Variants in DAB1 observed in about 807,000 individuals in gnomAD.
DAB1 encodes the protein disabled homolog 1.
DAB1 carries 15 observed loss-of-function variants against 64.6 expected under a neutral mutation model. The ratio of observed to expected loss-of-function variants is 0.23; its 90% CI spans 0.16 to 0.36. The LOEUF (loss-of-function observed/expected upper bound fraction) is 0.36. Among genes scored for constraint, DAB1 ranks in the 10% least tolerant of loss-of-function variants. DAB1 has a pLI of 1.00. For synonymous variants in DAB1, 235 were observed against 251.9 expected (o/e 0.93, Z 0.64); for missense variants, 596 against 706.7 (o/e 0.84, Z 1.78).
chr1:57,612,764 T>C (rs1197366845), intron 7 of DAB1, among the ~76,000 whole-genome samples: 1 of 152,182 alleles, frequency 6.6e-6, no homozygotes, highest in East Asian at 1.9e-4. Flanking sequence ...TTTGCTATAG[T>C]GACCACAGGA....
chr1:57,760,695 C>T (rs560336671), intron 6 of DAB1, among the ~76,000 whole-genome samples: 1 of 151,870 alleles, frequency 6.6e-6, no homozygotes, highest in African/African-American at 2.4e-5. Flanking sequence ...GGGGAGTCGG[C>T]AGTCTGGGGT....
At chr1:58,315,450 T>C (rs1662536363) in intron 4 of DAB1, among the ~76,000 whole-genome samples, 1 of 152,166 alleles carries the variant, frequency 6.6e-6, no homozygotes, top group Non-Finnish European at 1.5e-5. Context: ...GGTTCTTCCT[T>C]TCATTTATCC....
At chr1:57,682,075 A>C (rs1431105232) in intron 6 of DAB1, among the ~76,000 whole-genome samples, 2 of 152,162 alleles carry the variant, frequency 1.3e-5, no homozygotes, top group Non-Finnish European at 2.9e-5. Flanking sequence ...GAGCTGAGGA[A>C]CACCAGCAAC....
chr1:58,336,410 T>C (rs1246556394), intron 4 of DAB1, among the ~76,000 whole-genome samples: 5 of 152,226 alleles, frequency 3.3e-5, no homozygotes, highest in African/African-American at 1.2e-4. Context: ...GAGGTTGAGA[T>C]GTTTTATTTA....
At chr1:57,790,203 G>GGGA (rs1650529192) in intron 6 of DAB1, among the ~76,000 whole-genome samples, 1 of 152,152 alleles carries the variant, frequency 6.6e-6, no homozygotes, top group African/African-American at 2.4e-5. Flanking sequence ...ACAGTGTCAT[G>GGGA]GGAGGGACCT....
At chr1:57,221,252 TG>T (rs1034559059) in intron 2 of DAB1, among the ~76,000 whole-genome samples, 3 of 77,766 alleles carry the variant, frequency 3.9e-5, no homozygotes, top group African/African-American at 1.5e-4. Context: ...TATTGTGGGG[TG>T]GGGGGATGGG....
intron 7 of DAB1, among the ~76,000 whole-genome samples, chr1:57,440,740 A>C (rs1219236170): frequency 6.6e-6 from 1 of 152,228 alleles, no homozygotes; most frequent in Non-Finnish European, 1.5e-5. Context: ...TCCACAGGGT[A>C]ATCAGAAGTC....
chr1:57,464,687 C>T (rs1686897573), intron 7 of DAB1, among the ~76,000 whole-genome samples: 1 of 152,130 alleles, frequency 6.6e-6, no homozygotes, highest in Non-Finnish European at 1.5e-5. Context: ...CAAAAGATCT[C>T]CAAGCACTTA....
chr1:57,044,680 A>T (rs1159010805), intron 9 of DAB1, among the ~76,000 whole-genome samples: 1 of 152,048 alleles, frequency 6.6e-6, no homozygotes, highest in Non-Finnish European at 1.5e-5. Flanking sequence ...TCTATGAAAA[A>T]CCTTTTTAAT....
intron 5 of DAB1, among the ~76,000 whole-genome samples, chr1:58,055,387 G>T (rs945711710): frequency 1.3e-5 from 2 of 152,108 alleles, no homozygotes; most frequent in African/African-American, 4.8e-5. Flanking sequence ...TCTCCATTTA[G>T]ATCTGTGCTC....
At chr1:58,534,468 T>C (rs1417343473) in intron 1 of DAB1, 1 of 526,518 alleles carries the variant, frequency 1.9e-6, no homozygotes, top group Non-Finnish European at 3.3e-6. Context: ...TATTAAGCAC[T>C]GAAATTTCTC....
intron 1 of DAB1, among the ~76,000 whole-genome samples, chr1:57,407,847 C>T (rs1326529063): frequency 6.6e-6 from 1 of 151,180 alleles, no homozygotes; most frequent in Admixed American, 6.6e-5. Flanking sequence ...TGTAAGATTA[C>T]CACTGCTAGA....
At chr1:58,177,775 T>C (rs901240474) in intron 4 of DAB1, among the ~76,000 whole-genome samples, 4 of 151,738 alleles carry the variant, frequency 2.6e-5, no homozygotes, top group African/African-American at 4.8e-5. Flanking sequence ...TGAAGCTGTC[T>C]GACTCCAAAC....
chr1:57,553,412 A>AAAAGAAAGAAAGAAAGAAAG (rs1558487049), intron 7 of DAB1, among the ~76,000 whole-genome samples: 1 of 14,022 alleles, frequency 7.1e-5, no homozygotes, highest in African/African-American at 9.3e-5. Flanking sequence ...GAAAGAAAGA[A>AAAAGAAAGAAAGAAAGAAAG]AGAAAGAAAG....
chr1:57,906,291 T>C (rs1309989040), intron 5 of DAB1, among the ~76,000 whole-genome samples: 3 of 152,212 alleles, frequency 2.0e-5, no homozygotes, highest in African/African-American at 7.2e-5. Context: ...ATGCCTCATA[T>C]ATTTTGAATT....
At chr1:57,796,114 T>A (rs1186762370) in intron 6 of DAB1, among the ~76,000 whole-genome samples, 1 of 152,158 alleles carries the variant, frequency 6.6e-6, no homozygotes, top group Admixed American at 6.5e-5. Flanking sequence ...CAAACTCTCA[T>A]ATGACAGTTG....
chr1:58,080,442 G>T lies in DAB1; in HGVS notation n.387+70069C>A, dbSNP rs1162017952. ...AACAGATGTGTTTTTCCAAGATTATGCCCAAGGGACAGAAAATAAAGATTC... is the reference window on the plus strand; with the variant it reads ...AACAGATGTGTTTTTCCAAGATTATTCCCAAGGGACAGAAAATAAAGATTC... On this transcript the variant is annotated intron_variant and non_coding_transcript_variant, in intron 5 of 20. Transcript: ENST00000485760. 2.0e-5 allele frequency among the ~76,000 whole-genome samples: 3 copies of T among 152,332 alleles called. No individual in the cohort carries two copies. In the South Asian group the frequency reaches 6.2e-4, roughly 32 times the overall value.
chr1:57,293,846 A>G (rs986414223), intron 1 of DAB1, among the ~76,000 whole-genome samples: 13 of 152,122 alleles, frequency 8.5e-5, no homozygotes, highest in African/African-American at 3.1e-4. Context: ...ACAATATAGC[A>G]TCTCTCCTTA....
intron 7 of DAB1, among the ~76,000 whole-genome samples, chr1:57,530,547 G>A (rs945987727): frequency 6.6e-6 from 1 of 152,134 alleles, no homozygotes; most frequent in Non-Finnish European, 1.5e-5. Flanking sequence ...TGATATTTAT[G>A]GAGAGCCATC....
Sources: gnomAD v4.1 joint callset for allele counts (sites outside exome capture counted in the v4.1 genomes callset) on GRCh38, gnomAD v4.1.1 for gene constraint, MANE v1.5 for transcripts, NCBI Gene and HGNC (gene_info 2026-07-23, HGNC 2026-07-21) for gene names.